CHN2: variants seen among roughly 807,000 people sequenced by gnomAD.
The protein encoded by CHN2 is beta-chimaerin.
A neutral mutation model predicts 56.3 loss-of-function variants in CHN2; 35 were observed. The observed-to-expected ratio is 0.62, with a 90% CI of 0.47 to 0.82. The LOEUF is 0.82. Ranked by LOEUF, CHN2 falls within the 40% of genes least tolerant of loss-of-function variation. The pLI, the probability that CHN2 is intolerant of heterozygous loss-of-function variation, is 0.00. For synonymous variants in CHN2, 210 were observed against 212.8 expected (o/e 0.99, Z 0.12); for missense variants, 491 against 580.5 (o/e 0.85, Z 1.58).
intron 6 of CHN2, among the ~76,000 whole-genome samples, chr7:29,423,330 C>T (rs1804534140): frequency 6.6e-6 from 1 of 152,200 alleles, no homozygotes; most frequent in African/African-American, 2.4e-5. Context: ...CAGGCAGACG[C>T]CCCCAGGTGA....
intron 6 of CHN2, among the ~76,000 whole-genome samples, chr7:29,472,766 C>A (rs1786216551): frequency 6.6e-6 from 1 of 152,070 alleles, no homozygotes; most frequent in Non-Finnish European, 1.5e-5. Context: ...TAATAGAACT[C>A]TTCTTTTATA....
intron 6 of CHN2, among the ~76,000 whole-genome samples, chr7:29,472,172 C>G (rs1786113501): frequency 6.6e-6 from 1 of 151,112 alleles, no homozygotes. Flanking sequence ...AATAGAGAAC[C>G]AGCTCCACAA....
At chr7:29,459,466 C>T (rs943313598) in intron 6 of CHN2, among the ~76,000 whole-genome samples, 27 of 152,270 alleles carry the variant, frequency 1.8e-4, no homozygotes, top group African/African-American at 6.5e-4. Flanking sequence ...TGAGACTTTC[C>T]GAGCTCGCCT....
intron 1 of CHN2, among the ~76,000 whole-genome samples, chr7:29,346,554 C>T (rs908155426): frequency 3.3e-5 from 5 of 152,230 alleles, no homozygotes; most frequent in African/African-American, 1.2e-4. Context: ...GAGGGGATGG[C>T]AGAGGGAGAA....
chr7:29,301,411 T>G (rs1446076250), intron 1 of CHN2, among the ~76,000 whole-genome samples: 1 of 151,060 alleles, frequency 6.6e-6, no homozygotes, highest in Non-Finnish European at 1.5e-5. Context: ...TCATCTGGAA[T>G]CTAAGTGCAG....
At chr7:29,486,468 C>T (rs781217029) in intron 7 of CHN2, among the ~76,000 whole-genome samples, 1 of 152,166 alleles carries the variant, frequency 6.6e-6, no homozygotes, top group Non-Finnish European at 1.5e-5. Flanking sequence ...CGGGCCAGCT[C>T]TCAATCCCCA....
chr7:29,445,548 G>T (rs531417540), intron 6 of CHN2, among the ~76,000 whole-genome samples: 75 of 152,278 alleles, frequency 4.9e-4, no homozygotes, highest in African/African-American at 1.8e-3. Context: ...AATAAATCCT[G>T]CACTGTTGTG....
chr7:29,472,272 TACACACAC>T (rs113034467), intron 6 of CHN2, among the ~76,000 whole-genome samples: 19 of 112,316 alleles, frequency 1.7e-4, no homozygotes, highest in Admixed American at 4.2e-4. Context: ...CAAAACAAAA[TACACACAC>T]ACACACACAC....
At chr7:29,349,274 A>G (rs147347529) in intron 1 of CHN2, among the ~76,000 whole-genome samples, 70 of 152,270 alleles carry the variant, frequency 4.6e-4, no homozygotes, top group African/African-American at 1.5e-3. Flanking sequence ...AGTGAAACAT[A>G]TTTGTGATTT....
At chr7:29,275,286 G>C (rs1427564154) in intron 1 of CHN2, among the ~76,000 whole-genome samples, 1 of 152,146 alleles carries the variant, frequency 6.6e-6, no homozygotes, top group Non-Finnish European at 1.5e-5. Flanking sequence ...CTGAAACTTG[G>C]TTTTCTCATC....
At chr7:29,483,852 T>C (rs1401766343) in intron 7 of CHN2, 2 of 1,297,628 alleles carry the variant, frequency 1.5e-6, no homozygotes, top group Admixed American at 2.3e-5. Flanking sequence ...ATAGTACTCC[T>C]GGCCACACCA....
At chr7:29,419,931 G>A (rs527475243) in intron 6 of CHN2, among the ~76,000 whole-genome samples, 18 of 152,086 alleles carry the variant, frequency 1.2e-4, no homozygotes, top group African/African-American at 3.4e-4. Flanking sequence ...ATGGTGGCAC[G>A]CACCTGTAAT....
intron 2 of CHN2, among the ~76,000 whole-genome samples, chr7:29,170,594 A>G (rs1458218188): frequency 6.6e-6 from 1 of 152,216 alleles, no homozygotes; most frequent in African/African-American, 2.4e-5. Context: ...TGACAAATGT[A>G]TGTCTTCTAG....
intron 8 of CHN2, among the ~76,000 whole-genome samples, chr7:29,498,984 G>A (rs1049686450): frequency 1.3e-5 from 2 of 151,912 alleles, no homozygotes; most frequent in South Asian, 4.2e-4. Flanking sequence ...TCAAACTCCT[G>A]GCCTCAGGCA....
intron 2 of CHN2, among the ~76,000 whole-genome samples, chr7:29,153,936 T>G (rs1026228332): frequency 2.0e-5 from 3 of 152,128 alleles, no homozygotes; most frequent in African/African-American, 4.8e-5. Flanking sequence ...ATATAGTATA[T>G]AATATGTATA....
chr7:29,514,187 T>G lies in CHN2; in HGVS notation c.*1452T>G, dbSNP rs1429818603. ...CTCCTCCCAACTGTACAGATTTGTTTGTTGTAGTTTATGTACTTCTTGATA... is the reference window on the plus strand; with the variant it reads ...CTCCTCCCAACTGTACAGATTTGTTGGTTGTAGTTTATGTACTTCTTGATA... On this transcript the variant is annotated 3_prime_UTR_variant, in exon 13 of 13. Transcript: ENST00000222792. The G allele has an allele frequency of 2.6e-5, 4 of 152,656 alleles. No homozygotes were observed. The highest frequency in any genetic ancestry group is 9.6e-5 in the African/African-American group (4 of 41,454). The allele number at this position is 152,656 out of a possible 1,614,324, so 9.5% of individuals were successfully genotyped here. A position where few individuals can be genotyped will look rare whatever the true frequency, so the allele number is the denominator to read the frequency against.
At chr7:29,297,942 G>T (rs755778981) in intron 1 of CHN2, among the ~76,000 whole-genome samples, 1 of 152,188 alleles carries the variant, frequency 6.6e-6, no homozygotes, top group Non-Finnish European at 1.5e-5. Context: ...TACCCGTCTA[G>T]AAAGAGGAGA....
intron 5 of CHN2, 141 bp from the exon 6 acceptor site, chr7:29,400,402 A>AG (rs1802105644): frequency 1.3e-6 from 1 of 777,022 alleles, no homozygotes; most frequent in East Asian, 2.6e-5. Context: ...TGTGAGCGTT[A>AG]GGGGAAAAAA....
At chr7:29,161,851 A>T (rs1314258683) in intron 2 of CHN2, among the ~76,000 whole-genome samples, 1 of 152,252 alleles carries the variant, frequency 6.6e-6, no homozygotes, top group Non-Finnish European at 1.5e-5. Flanking sequence ...TCTGATTTTT[A>T]AATGGGCCAA....
Sources: allele counts gnomAD v4.1 joint callset (sites outside exome capture counted in the v4.1 genomes callset), GRCh38; gene constraint gnomAD v4.1.1; transcripts MANE v1.5; gene names NCBI Gene and HGNC (gene_info 2026-07-23, HGNC 2026-07-21).